The following BMPR1B variants were observed in gnomAD, a reference collection of about 807,000 sequenced individuals.
BMPR1B encodes the protein bone morphogenetic protein receptor type-1B.
In BMPR1B, 12 loss-of-function variants were observed where a neutral mutation model predicts 59.1. The ratio of observed to expected loss-of-function variants is 0.20; its 90% CI spans 0.13 to 0.33. BMPR1B has a LOEUF of 0.33. Among genes scored for constraint, BMPR1B ranks in the 10% least tolerant of loss-of-function variants. The probability of loss-of-function intolerance (pLI) is 1.00; values close to 1 mark genes in which losing one functional copy is unlikely to be tolerated. For synonymous variants in BMPR1B, 237 were observed against 207.3 expected, an observed-to-expected ratio of 1.14 and a Z score of -1.23; for missense variants, 550 against 610.9, an observed-to-expected ratio of 0.90 and a Z score of 1.05.
At chr4:95,093,579 A>G (rs889395031) in intron 3 of BMPR1B, among the ~76,000 whole-genome samples, 1 of 151,852 alleles carries the variant, frequency 6.6e-6, no homozygotes, top group Admixed American at 6.6e-5. Flanking sequence ...GTTGACTTGT[A>G]TGTCATATTT....
chr4:94,799,888 A>T (rs1382779528), intron 1 of BMPR1B, among the ~76,000 whole-genome samples: 1 of 151,468 alleles, frequency 6.6e-6, no homozygotes, highest in African/African-American at 2.4e-5. Context: ...ATGGAGTTTC[A>T]CCATGTTGGC....
intron 3 of BMPR1B, among the ~76,000 whole-genome samples, chr4:95,025,448 T>C (rs772767442): frequency 2.0e-5 from 3 of 152,130 alleles, no homozygotes; most frequent in Non-Finnish European, 4.4e-5. Context: ...AGACAGATGA[T>C]GGTGACTTGG....
chr4:95,080,344 T>G (rs1729032834), intron 3 of BMPR1B, among the ~76,000 whole-genome samples: 1 of 152,104 alleles, frequency 6.6e-6, no homozygotes, highest in Non-Finnish European at 1.5e-5. Context: ...TCAAGTGATT[T>G]ACCTCCCTCA....
At chr4:94,802,655 T>C (rs1723452203) in intron 1 of BMPR1B, among the ~76,000 whole-genome samples, 1 of 152,104 alleles carries the variant, frequency 6.6e-6, no homozygotes, top group African/African-American at 2.4e-5. Context: ...TTTCATGGGG[T>C]CACAAAATTC....
intron 2 of BMPR1B, among the ~76,000 whole-genome samples, chr4:94,951,268 T>C (rs1237450087): frequency 6.6e-6 from 1 of 152,236 alleles, no homozygotes; most frequent in Non-Finnish European, 1.5e-5. Flanking sequence ...CTTTATTTCT[T>C]TCTCTTGCCT....
At chr4:95,037,742 G>A (rs942340634) in intron 3 of BMPR1B, among the ~76,000 whole-genome samples, 2 of 152,092 alleles carry the variant, frequency 1.3e-5, no homozygotes, top group African/African-American at 4.8e-5. Context: ...AAAGTAATTG[G>A]TATGAGAATA....
chr4:94,922,766 T>A (rs779722026), intron 2 of BMPR1B, among the ~76,000 whole-genome samples: 1 of 152,176 alleles, frequency 6.6e-6, no homozygotes, highest in Non-Finnish European at 1.5e-5. Flanking sequence ...TGAATAAGAA[T>A]CAACAGTATG....
chr4:95,015,392 T>G (rs893651255), intron 3 of BMPR1B, among the ~76,000 whole-genome samples: 1 of 152,088 alleles, frequency 6.6e-6, no homozygotes, highest in Non-Finnish European at 1.5e-5. Context: ...ACTAGTTCCT[T>G]TATTTAACAG....
intron 1 of BMPR1B, among the ~76,000 whole-genome samples, chr4:94,805,507 C>G (rs1277365725): frequency 6.6e-6 from 1 of 152,140 alleles, no homozygotes; most frequent in East Asian, 1.9e-4. Context: ...TAAAAGAGAG[C>G]TGCAGCTTTG....
intron 1 of BMPR1B, among the ~76,000 whole-genome samples, chr4:94,818,290 CAG>C (rs1724083171): frequency 6.6e-6 from 1 of 152,090 alleles, no homozygotes; most frequent in African/African-American, 2.4e-5. Flanking sequence ...AAGTTTGTAT[CAG>C]GGGCTCTACT....
chr4:94,811,865 C>T (rs931178558), intron 1 of BMPR1B, among the ~76,000 whole-genome samples: 1 of 152,068 alleles, frequency 6.6e-6, no homozygotes, highest in Non-Finnish European at 1.5e-5. Context: ...CCAGTATTTC[C>T]ATATAAACAT....
rs1578949161 is a variant in BMPR1B, at chr4:95,026,102, C to CTTTCTTTCCTTCTTTCTTTCTT, written c.-18+29976_-18+29977insCTTCTTTCTTTCTTTTTCTTTC. The stretch of plus-strand genomic sequence containing the variant: ...CTGGCTGGATTGCTTTCTTTCATTT[C>CTTTCTTTCCTTCTTTCTTTCTT]TTTCTTTCTTTCTTTCTTTCTTTCT... On this transcript the variant is annotated intron_variant, in intron 3 of 12. Transcript: ENST00000515059. Among the ~76,000 whole-genome samples the CTTTCTTTCCTTCTTTCTTTCTT allele has an allele frequency of 2.5e-5, 3 of 120,528 alleles. No individual in the cohort carries two copies. In the East Asian group the frequency reaches 7.1e-4, roughly 28 times the overall value. 79.1% of individuals were successfully genotyped at this position (120,528 alleles called of 152,430 possible).
intron 1 of BMPR1B, among the ~76,000 whole-genome samples, chr4:94,831,862 C>T (rs767455567): frequency 3.3e-5 from 5 of 152,040 alleles, no homozygotes; most frequent in Admixed American, 6.5e-5. Flanking sequence ...CATAGGATTG[C>T]GAACCCTACT....
At chr4:94,949,353 A>G (rs192728346) in intron 2 of BMPR1B, among the ~76,000 whole-genome samples, 2,766 of 53,386 alleles carry the variant, frequency 0.052, 482 homozygotes, top group East Asian at 0.2. Flanking sequence ...TCTGTCGCCC[A>G]GGCCGGACTG....
chr4:94,770,030 G>C (rs1722113101), intron 1 of BMPR1B, among the ~76,000 whole-genome samples: 1 of 152,000 alleles, frequency 6.6e-6, no homozygotes, highest in South Asian at 2.1e-4. Context: ...TCATTTATGG[G>C]GTATGTAGAG....
Position 95,141,607 on chromosome 4 carries a change from T to C in BMPR1B, c.1077-7141T>C, listed in dbSNP as rs1385692546. Reference sequence around the variant, plus strand: ...CAGAAATTTAATCCAGGTGATGTGCTGGCGGACATCACCATTACCTTCAAT... The same window carrying C: ...CAGAAATTTAATCCAGGTGATGTGCCGGCGGACATCACCATTACCTTCAAT... On this transcript the variant is annotated intron_variant, in intron 10 of 12. Transcript: ENST00000515059. 2.6e-5 allele frequency among the ~76,000 whole-genome samples: 4 copies of C among 152,344 alleles called. No individual in the cohort carries two copies. In the East Asian group the frequency reaches 7.7e-4, roughly 29 times the overall value.
At chr4:95,009,503 G>A (rs1257543942) in intron 3 of BMPR1B, among the ~76,000 whole-genome samples, 1 of 152,000 alleles carries the variant, frequency 6.6e-6, no homozygotes, top group African/African-American at 2.4e-5. Flanking sequence ...CACAATTTTG[G>A]ATGAAAAAAG....
intron 1 of BMPR1B, among the ~76,000 whole-genome samples, chr4:94,836,689 T>A (rs556301846): frequency 6.8e-6 from 1 of 147,192 alleles, no homozygotes; most frequent in Admixed American, 6.8e-5. Flanking sequence ...TTGCGAAGAT[T>A]TTCTCCCATT....
chr4:94,793,179 C>G (rs1723049950), intron 1 of BMPR1B, among the ~76,000 whole-genome samples: 1 of 152,026 alleles, frequency 6.6e-6, no homozygotes, highest in Non-Finnish European at 1.5e-5. Context: ...TCCCCCACCC[C>G]ACAACAGTCC....
Sources: gnomAD v4.1 joint callset for allele counts (sites outside exome capture counted in the v4.1 genomes callset) on GRCh38, gnomAD v4.1.1 for gene constraint, MANE v1.5 for transcripts, NCBI Gene and HGNC (gene_info 2026-07-23, HGNC 2026-07-21) for gene names.